NWD2: variants seen among roughly 807,000 people sequenced by gnomAD.
NWD2 encodes the protein NACHT and WD repeat domain containing 2.
A neutral mutation model predicts 132.7 loss-of-function variants in NWD2; 37 were observed. That is an observed-to-expected ratio of 0.28 (90% confidence interval 0.21 to 0.37). NWD2 has a LOEUF of 0.37. Among genes scored for constraint, NWD2 ranks in the 10% least tolerant of loss-of-function variants. The pLI, the probability that NWD2 is intolerant of heterozygous loss-of-function variation, is 1.00. For synonymous variants in NWD2, 705 were observed against 803.0 expected (o/e 0.88, Z 2.06); for missense variants, 1,592 against 2,122.4 (o/e 0.75, Z 4.91).
At chr4:37,313,249 A>G (rs956678472) in intron 1 of NWD2, among the ~76,000 whole-genome samples, 23 of 151,108 alleles carry the variant, frequency 1.5e-4, no homozygotes, top group African/African-American at 5.2e-4. Context: ...CTGTGAATCC[A>G]TCTGGTCCTG....
At chr4:37,401,115 C>T (rs1720887793) in intron 3 of NWD2, among the ~76,000 whole-genome samples, 3 of 152,200 alleles carry the variant, frequency 2.0e-5, no homozygotes, top group African/African-American at 7.2e-5. Context: ...GCCATGTCTC[C>T]TAGAACAGCT....
intron 2 of NWD2, among the ~76,000 whole-genome samples, chr4:37,345,660 C>T (rs1220374085): frequency 6.6e-6 from 1 of 151,982 alleles, no homozygotes; most frequent in East Asian, 1.9e-4. Flanking sequence ...ACTATTTTAA[C>T]CTTCTTGGTA....
chr4:37,436,286 T>C (rs949679108), intron 5 of NWD2, among the ~76,000 whole-genome samples: 3 of 152,148 alleles, frequency 2.0e-5, no homozygotes, highest in Non-Finnish European at 4.4e-5. Context: ...AATTCTAAAA[T>C]TTATAATATT....
At chr4:37,374,489 T>A (rs541063631) in intron 3 of NWD2, among the ~76,000 whole-genome samples, 90 of 152,324 alleles carry the variant, frequency 5.9e-4, no homozygotes, top group Non-Finnish European at 9.6e-4. Flanking sequence ...AGGTCAGTGA[T>A]GCAGATAATA....
intron 1 of NWD2, among the ~76,000 whole-genome samples, chr4:37,268,801 C>G (rs1717811223): frequency 6.6e-6 from 1 of 151,716 alleles, no homozygotes; most frequent in African/African-American, 2.4e-5. Context: ...GGACTGGAAG[C>G]AGGTGGACAA....
At chr4:37,379,787 A>G (rs1231648879) in intron 3 of NWD2, among the ~76,000 whole-genome samples, 1 of 152,210 alleles carries the variant, frequency 6.6e-6, no homozygotes, top group Admixed American at 6.5e-5. Flanking sequence ...TGTTCTTAGT[A>G]GGGGACAGAT....
At chr4:37,245,781 C>T (rs1560375759) in intron 1 of NWD2, among the ~76,000 whole-genome samples, 1 of 152,104 alleles carries the variant, frequency 6.6e-6, no homozygotes, top group Non-Finnish European at 1.5e-5. Context: ...CTGTGGGTCC[C>T]GGAACAGGCT....
chr4:37,291,214 C>G (rs921452528), intron 1 of NWD2, among the ~76,000 whole-genome samples: 2 of 151,460 alleles, frequency 1.3e-5, no homozygotes, highest in African/African-American at 4.8e-5. Flanking sequence ...GATTTTCTTG[C>G]GTTATTTAAT....
intron 3 of NWD2, among the ~76,000 whole-genome samples, chr4:37,358,253 T>A (rs546488742): frequency 6.6e-6 from 1 of 152,182 alleles, no homozygotes; most frequent in Non-Finnish European, 1.5e-5. Flanking sequence ...ACTTGTATTT[T>A]AAGCATGGCC....
intron 3 of NWD2, among the ~76,000 whole-genome samples, chr4:37,405,020 A>G (rs940511048): frequency 2.0e-5 from 3 of 152,226 alleles, no homozygotes; most frequent in African/African-American, 7.2e-5. Context: ...GTGTAGGGAC[A>G]CAGATCCAAA....
At chr4:37,344,687 G>C (rs1384869203) in intron 2 of NWD2, among the ~76,000 whole-genome samples, 3 of 151,998 alleles carry the variant, frequency 2.0e-5, no homozygotes, top group Non-Finnish European at 4.4e-5. Context: ...AGGTGTGTAT[G>C]GTATTATTTT....
At chr4:37,278,798 G>A (rs541530816) in intron 1 of NWD2, among the ~76,000 whole-genome samples, 13 of 152,136 alleles carry the variant, frequency 8.5e-5, no homozygotes, top group African/African-American at 2.6e-4. Context: ...TATTTAACCC[G>A]ATTTCTGACT....
At chr4:37,335,852 C>T (rs1211795216) in intron 2 of NWD2, among the ~76,000 whole-genome samples, 1 of 148,092 alleles carries the variant, frequency 6.8e-6, no homozygotes, top group Non-Finnish European at 1.5e-5. Flanking sequence ...TGATATAGTA[C>T]GTGGCTCATA....
intron 1 of NWD2, among the ~76,000 whole-genome samples, chr4:37,309,315 A>G (rs1291399986): frequency 6.6e-6 from 1 of 152,100 alleles, no homozygotes; most frequent in African/African-American, 2.4e-5. Flanking sequence ...TGGGGAGCAC[A>G]TGCTTTGGCT....
chr4:37,262,240 A>T (rs761165371), intron 1 of NWD2, among the ~76,000 whole-genome samples: 11 of 152,188 alleles, frequency 7.2e-5, no homozygotes, highest in Non-Finnish European at 1.3e-4. Flanking sequence ...CCCACAAAGC[A>T]TAAGGATTTT....
chr4:37,304,608 A>G (rs1015574869), intron 1 of NWD2, among the ~76,000 whole-genome samples: 1 of 152,236 alleles, frequency 6.6e-6, no homozygotes, highest in African/African-American at 2.4e-5. Flanking sequence ...GAAATTGGCC[A>G]AAACAAAGCG....
chr4:37,436,510 T>C (rs1184718069), intron 5 of NWD2, among the ~76,000 whole-genome samples: 2 of 152,190 alleles, frequency 1.3e-5, no homozygotes, highest in Non-Finnish European at 2.9e-5. Flanking sequence ...TTATCTGTAT[T>C]TCTTTTTTTG....
chr4:37,314,013 C>G (rs746637833), intron 1 of NWD2, among the ~76,000 whole-genome samples: 1 of 145,028 alleles, frequency 6.9e-6, no homozygotes, highest in East Asian at 1.9e-4. Flanking sequence ...AGTTTTTATC[C>G]TGAATATGTA....
rs369091883 is a variant in NWD2, at chr4:37,446,531, C to T, written c.4543C>T (p.Arg1515Trp). Residue 1515 changes from arginine to tryptophan, a missense_variant, in exon 7 of 7, where the codon CGG (arginine) becomes TGG (tryptophan). Arg to Trp is a moderately radical substitution (Grantham distance 101). Coordinates refer to ENST00000309447, the MANE Select transcript of NWD2 (RefSeq NM_001144990.2). The surrounding 1 kb of genome is among the most constrained non-coding windows in gnomAD (Gnocchi z 6.7). ...IWSLTDEVIC[R>W]RVQLPNNFLK... ...GAGTCTGACAGATGAAGTGATCTGT[C>T]GGCGCGTGCAACTTCCAAACAACTT... The T allele has an allele frequency of 2.5e-4, 385 of 1,551,542 alleles. No homozygotes were observed. Among genetic ancestry groups the T allele is most frequent in the Non-Finnish European group, 3.3e-4 (373 of 1,147,026 alleles).
Sources: gnomAD v4.1 joint callset for allele counts (sites outside exome capture counted in the v4.1 genomes callset) on GRCh38, gnomAD v4.1.1 for gene constraint, Gnocchi (gnomAD v3.1) non-coding constraint, MANE v1.5 for transcripts, NCBI Gene and HGNC (gene_info 2026-07-23, HGNC 2026-07-21) for gene names.